DAGLA: variants seen among roughly 807,000 people sequenced by gnomAD.
The protein encoded by DAGLA is diacylglycerol lipase alpha, also known as diacylglycerol lipase-alpha.
Under a neutral mutation model 102.6 loss-of-function variants are expected in DAGLA, and 22 were observed. The observed-to-expected ratio is 0.21, with a 90% CI of 0.15 to 0.31. The LOEUF (loss-of-function observed/expected upper bound fraction) is 0.31, where lower values mean the gene tolerates loss of function less well. DAGLA is among the 10% of genes least tolerant of loss of function. The probability of loss-of-function intolerance (pLI) is 1.00; values close to 1 mark genes in which losing one functional copy is unlikely to be tolerated. For missense variants in DAGLA, 927 were observed against 1,446.6 expected (o/e 0.64, Z 5.83); for synonymous variants, 578 against 628.9 (o/e 0.92, Z 1.21).
chr11:61,724,990 G>A (rs2065312763), intron 5 of DAGLA, among the ~76,000 whole-genome samples: 1 of 152,068 alleles, frequency 6.6e-6, no homozygotes, highest in South Asian at 2.1e-4. Context: ...TGGAGAGCGG[G>A]AAGCGGTCCT....
chr11:61,687,646 T>C (rs1381837619), intron 1 of DAGLA, among the ~76,000 whole-genome samples: 2 of 149,012 alleles, frequency 1.3e-5, no homozygotes, highest in East Asian at 4.2e-4. Flanking sequence ...CAAAGGCATC[T>C]TGTAGCACTC....
Position 61,731,430 on chromosome 11 carries a change from T to C in DAGLA, c.963T>C (p.Ala321=), listed in dbSNP as rs1039134950. ...CCGCCTGCGGCCTCTGCCAACTGGCTCGGTCCTGCTCGTGAGTACCCCTGT... is the reference window on the plus strand; with the variant it reads ...CCGCCTGCGGCCTCTGCCAACTGGCCCGGTCCTGCTCGTGAGTACCCCTGT... ...RKPACGLCQL[A]RSCSCCLCPA... The change falls in exon 9 of 20, where the codon GCT becomes GCC. Residue 321 remains alanine (A), a synonymous_variant. Transcript: ENST00000257215. The C allele has an allele frequency of 6.2e-7, 1 of 1,613,560 alleles. No individual in the cohort carries two copies. Among genetic ancestry groups the C allele is most frequent in the Non-Finnish European group, 8.5e-7 (1 of 1,180,000 alleles).
At chr11:61,742,593 A>G (rs533898544) in intron 19 of DAGLA, among the ~76,000 whole-genome samples, 8 of 152,194 alleles carry the variant, frequency 5.3e-5, no homozygotes, top group African/African-American at 1.7e-4. Flanking sequence ...TAGGCTCCCC[A>G]CCCAGCAGAG....
intron 1 of DAGLA, among the ~76,000 whole-genome samples, chr11:61,718,742 C>T (rs1591040143): frequency 1.3e-5 from 2 of 152,146 alleles, no homozygotes; most frequent in East Asian, 1.9e-4. Context: ...GGAGTAGGCA[C>T]GACCCCGGCA....
At chr11:61,697,183 T>G (rs1014576324) in intron 1 of DAGLA, among the ~76,000 whole-genome samples, 4 of 152,180 alleles carry the variant, frequency 2.6e-5, no homozygotes, top group African/African-American at 4.8e-5. Context: ...GTGACTCTGA[T>G]GAGGCTGTTG....
At chr11:61,687,576 G>C (rs761560796) in intron 1 of DAGLA, among the ~76,000 whole-genome samples, 1 of 152,138 alleles carries the variant, frequency 6.6e-6, no homozygotes, top group Non-Finnish European at 1.5e-5. Context: ...TGATCCACCC[G>C]CCTCGCTCGG....
intron 1 of DAGLA, among the ~76,000 whole-genome samples, chr11:61,691,245 G>T (rs917154387): frequency 1.3e-5 from 2 of 152,224 alleles, no homozygotes; most frequent in Non-Finnish European, 2.9e-5. Context: ...CCTTAATGGT[G>T]TAATGAACTC....
At position 61,680,411 on chromosome 11, in the gene DAGLA, C is replaced by T. The variant is rs1322008077; in HGVS notation, c.-138C>T. 1.3e-5 allele frequency: 2 copies of T among 151,990 alleles called. No individual in the cohort carries two copies. Among genetic ancestry groups the T allele is most frequent in the Non-Finnish European group, 2.9e-5 (2 of 67,918 alleles). 9.4% of individuals were successfully genotyped at this position (151,990 alleles called of 1,614,324 possible). ...GCGGCCTTCGCGCCGGCGCCGGCGCCCTGCGGAAGCGGCGTTAGTGAATCG... is the reference window on the plus strand; with the variant it reads ...GCGGCCTTCGCGCCGGCGCCGGCGCTCTGCGGAAGCGGCGTTAGTGAATCG... On this transcript the variant is annotated 5_prime_UTR_variant, in exon 1 of 20. Transcript: ENST00000257215.
chr11:61,681,280 CAA>C (rs1220409893), intron 1 of DAGLA, among the ~76,000 whole-genome samples: 1 of 152,096 alleles, frequency 6.6e-6, no homozygotes, highest in Non-Finnish European at 1.5e-5. Flanking sequence ...TGGGCATAAA[CAA>C]GAGATGCCAG....
At chr11:61,737,614 C>A in intron 14 of DAGLA, 73 bp from the exon 15 acceptor site, 1 of 1,419,252 alleles carries the variant, frequency 7.0e-7, no homozygotes, top group Non-Finnish European at 1.0e-6. Context: ...TTGCTTGTGG[C>A]TGGGCCCCCC....
At chr11:61,698,465 T>C (rs1386385272) in intron 1 of DAGLA, among the ~76,000 whole-genome samples, 1 of 152,198 alleles carries the variant, frequency 6.6e-6, no homozygotes, top group Non-Finnish European at 1.5e-5. Context: ...TGGTTTCTGC[T>C]TTTGGAGATG....
chr11:61,728,104 C>T (rs2065344998), intron 6 of DAGLA, 49 bp from the exon 7 acceptor site: 4 of 1,608,574 alleles, frequency 2.5e-6, no homozygotes, highest in Non-Finnish European at 3.4e-6. Flanking sequence ...GCCTCTCGTC[C>T]TCTCTCCTGC....
chr11:61,718,696 A>G (rs908803610), intron 1 of DAGLA, among the ~76,000 whole-genome samples: 2 of 150,380 alleles, frequency 1.3e-5, no homozygotes, highest in African/African-American at 4.9e-5. Context: ...CCTTGGAGAG[A>G]GAGTGGGATG....
At chr11:61,726,185 G>A in intron 6 of DAGLA, 103 bp downstream of exon 6, 2 of 1,118,466 alleles carry the variant, frequency 1.8e-6, no homozygotes, top group Non-Finnish European at 2.7e-6. Flanking sequence ...GGGCTGGTGG[G>A]AAGGAGCTGG....
intron 8 of DAGLA, 105 bp downstream of exon 8, chr11:61,729,113 T>A: frequency 1.0e-6 from 1 of 991,246 alleles, no homozygotes; most frequent in Admixed American, 1.9e-5. Flanking sequence ...GCCAGCCACA[T>A]TGCCCCTGCC....
In DAGLA at chr11:61,740,580, G is replaced by A. The variant is rs1262455820; in HGVS notation, c.1971G>A (p.Glu657=). The change falls in exon 18 of 20, where the codon GAG becomes GAA. Residue 657 remains glutamate, a synonymous_variant. Transcript: ENST00000257215. ...LHEHLPYVVM[E]GLNKVLENYN... ...AGCACCTGCCCTATGTGGTCATGGAGGGGCTCAACAAGGTGAGGCAGCTCC... is the reference window on the plus strand; with the variant it reads ...AGCACCTGCCCTATGTGGTCATGGAAGGGCTCAACAAGGTGAGGCAGCTCC... The A allele has an allele frequency of 3.7e-6, 6 of 1,613,576 alleles. No individual in the cohort carries two copies. The highest frequency in any genetic ancestry group is 5.1e-6 in the Non-Finnish European group (6 of 1,179,884).
intron 18 of DAGLA, 91 bp from the exon 19 acceptor site, chr11:61,741,071 C>T: frequency 1.5e-6 from 2 of 1,297,950 alleles, no homozygotes; most frequent in Non-Finnish European, 2.1e-6. Context: ...CTTTGCTTGG[C>T]CTGAGAGGCC....
Position 61,737,341 on chromosome 11 carries a change from T to A in DAGLA, c.1514+17T>A, listed in dbSNP as rs7935064. On this transcript the variant is annotated intron_variant, in intron 14 of 19. Coordinates refer to ENST00000257215, the MANE Select transcript of DAGLA (RefSeq NM_006133.3). ...CCTGCTGAGGTGAGCCATCTGGGGC[T>A]TCAGAGTTGGCTGGGGCAGTTGGGA... 1 of 1,608,592 alleles carries A rather than the reference T, an allele frequency of 6.2e-7. No individual in the cohort carries two copies. Among genetic ancestry groups the A allele is most frequent in the Non-Finnish European group, 8.5e-7 (1 of 1,179,962 alleles).
chr11:61,737,550 A>G, intron 14 of DAGLA, 137 bp from the exon 15 acceptor site: 3 of 1,048,440 alleles, frequency 2.9e-6, no homozygotes, highest in Non-Finnish European at 4.4e-6. Flanking sequence ...CAGGCAACCC[A>G]GCCTGCCACC....
Sources: gnomAD v4.1 joint callset for allele counts (sites outside exome capture counted in the v4.1 genomes callset) on GRCh38, gnomAD v4.1.1 for gene constraint, MANE v1.5 for transcripts, NCBI Gene and HGNC (gene_info 2026-07-23, HGNC 2026-07-21) for gene names.